DACH1: variants seen among roughly 807,000 people sequenced by gnomAD.
DACH1 encodes dachshund homolog 1.
Under a neutral mutation model 54.2 loss-of-function variants are expected in DACH1, and 12 were observed. The ratio of observed to expected loss-of-function variants is 0.22; its 90% CI spans 0.14 to 0.36. The LOEUF (loss-of-function observed/expected upper bound fraction) is 0.36, where lower values mean the gene tolerates loss of function less well. Among genes scored for constraint, DACH1 ranks in the 10% least tolerant of loss-of-function variants. The pLI is 1.00. For missense variants in DACH1, 805 were observed against 929.8 expected, an observed-to-expected ratio of 0.87 and a Z score of 1.75; for synonymous variants, 386 against 366.2, an observed-to-expected ratio of 1.05 and a Z score of -0.62.
Position 71,581,450 on chromosome 13 carries a change from G to A in DACH1, c.1127-8438C>T, listed in dbSNP as rs532044619. On this transcript the variant is annotated intron_variant, in intron 3 of 10. Coordinates refer to ENST00000613252, the MANE Select transcript of DACH1 (RefSeq NM_080759.6). ...CTAATTTTTGCATTTTAGTAGAGAC[G>A]GGCTTTCACAATGCCAGGCTGGTCT... Among the ~76,000 whole-genome samples, 17 of 152,086 alleles carry A rather than the reference G, an allele frequency of 1.1e-4. No homozygotes were observed. In the South Asian group the frequency reaches 3.5e-3, roughly 32 times the overall value.
chr13:71,532,625 G>T (rs1432296116), intron 6 of DACH1, among the ~76,000 whole-genome samples: 1 of 151,954 alleles, frequency 6.6e-6, no homozygotes, highest in East Asian at 1.9e-4. Context: ...GTGTTCACAT[G>T]TTTAAAGGAT....
Position 71,828,551 on chromosome 13 carries a change from CATGT to C in DACH1, c.848+37367_848+37370del, listed in dbSNP as rs138136442. On this transcript the variant is annotated intron_variant, in intron 1 of 10. Coordinates refer to ENST00000613252, the MANE Select transcript of DACH1 (RefSeq NM_080759.6). ...TAAACCACGGTTTGTAGCACAAAAG[CATGT>C]ATTCAACCATGAAACATTAGCGTAA... 1.6e-3 allele frequency among the ~76,000 whole-genome samples: 238 copies of C among 152,096 alleles called. 1 individual carries two copies. The highest frequency in any genetic ancestry group is 5.3e-3 in the African/African-American group (222 of 41,532).
At chr13:71,621,926 G>A (rs1321054548) in intron 3 of DACH1, among the ~76,000 whole-genome samples, 1 of 151,826 alleles carries the variant, frequency 6.6e-6, no homozygotes, top group African/African-American at 2.4e-5. Context: ...TGAATGTAAG[G>A]GTCTGTGTTT....
At chr13:71,701,216 T>A (rs1882122496) in intron 1 of DACH1, among the ~76,000 whole-genome samples, 1 of 152,130 alleles carries the variant, frequency 6.6e-6, no homozygotes, top group Non-Finnish European at 1.5e-5. Context: ...TTCATATATA[T>A]GTACTAAGCT....
At position 71,598,474 on chromosome 13, in the gene DACH1, C is replaced by T. The variant is rs558591196; in HGVS notation, c.1127-25462G>A. 8.5e-5 allele frequency among the ~76,000 whole-genome samples: 13 copies of T among 152,110 alleles called. No homozygotes were observed. In the South Asian group the frequency reaches 2.1e-3, roughly 24 times the overall value. On this transcript the variant is annotated intron_variant, in intron 3 of 10. Coordinates refer to ENST00000613252, the MANE Select transcript of DACH1 (RefSeq NM_080759.6). The stretch of plus-strand genomic sequence containing the variant: ...TTCACCATGTTGGTCAGGCTGGTCT[C>T]GAACTCCTGACCCCATGATCCACCC...
intron 1 of DACH1, among the ~76,000 whole-genome samples, chr13:71,833,323 A>G (rs1315658211): frequency 6.6e-6 from 1 of 151,962 alleles, no homozygotes; most frequent in Non-Finnish European, 1.5e-5. Flanking sequence ...TCATAGTTTC[A>G]TCCTTTTTAT....
chr13:71,516,928 G>GTT (rs1328560636), intron 6 of DACH1, among the ~76,000 whole-genome samples: 1 of 21,976 alleles, frequency 4.6e-5, no homozygotes, highest in Non-Finnish European at 2.3e-4. Flanking sequence ...ATATTTTTAT[G>GTT]TTTATATATA....
intron 10 of DACH1, among the ~76,000 whole-genome samples, chr13:71,463,662 G>T (rs1222637399): frequency 2.0e-5 from 3 of 151,886 alleles, no homozygotes; most frequent in Non-Finnish European, 4.4e-5. Flanking sequence ...TTACTGTGAA[G>T]ATCAATAAAA....
At position 71,541,019 on chromosome 13, in the gene DACH1, G is replaced by C. The variant is rs536650830; in HGVS notation, c.1570+16005C>G. On this transcript the variant is annotated intron_variant, in intron 6 of 10. Coordinates refer to ENST00000613252, the MANE Select transcript of DACH1 (RefSeq NM_080759.6). The stretch of plus-strand genomic sequence containing the variant: ...TGTATTGTTAAATTTAGATTATCAT[G>C]TTACATAGCACTTTTTCTCAAGTAG... 2.0e-5 allele frequency among the ~76,000 whole-genome samples: 3 copies of C among 151,910 alleles called. No individual in the cohort carries two copies. In the South Asian group the frequency reaches 6.2e-4, roughly 32 times the overall value.
intron 1 of DACH1, among the ~76,000 whole-genome samples, chr13:71,687,800 A>G (rs1167047298): frequency 6.6e-6 from 1 of 152,048 alleles, no homozygotes; most frequent in African/African-American, 2.4e-5. Flanking sequence ...GTAAAGAGCG[A>G]GTTTCACCAT....
chr13:71,844,903 AAAAAG>A lies in DACH1; in HGVS notation c.848+21014_848+21018del, dbSNP rs1471646689. Reference sequence around the variant, plus strand: ...TTGTTCTCATTCATGTGGAAGCTTCAAAAAGTTGATGTCACAGAAGTAAAAAGTAG... The same window carrying A: ...TTGTTCTCATTCATGTGGAAGCTTCATTGATGTCACAGAAGTAAAAAGTAG... On this transcript the variant is annotated intron_variant, in intron 1 of 10. Coordinates refer to ENST00000613252, the MANE Select transcript of DACH1 (RefSeq NM_080759.6). Among the ~76,000 whole-genome samples, 29 of 152,316 alleles carry A rather than the reference AAAAAG, an allele frequency of 1.9e-4. No individual in the cohort carries two copies. The East Asian group carries it at 2.9e-3, about 15-fold the overall frequency.
chr13:71,646,000 G>A (rs1243366874), intron 2 of DACH1, among the ~76,000 whole-genome samples: 1 of 152,080 alleles, frequency 6.6e-6, no homozygotes, highest in African/African-American at 2.4e-5. Flanking sequence ...CTTTGAGACT[G>A]GAATATACTC....
chr13:71,668,401 A>C (rs936116576), intron 2 of DACH1, among the ~76,000 whole-genome samples: 1 of 152,060 alleles, frequency 6.6e-6, no homozygotes, highest in Admixed American at 6.6e-5. Context: ...TAGTATCTCC[A>C]AAATTATTGC....
At chr13:71,441,738 A>G (rs567262576) in intron 10 of DACH1, among the ~76,000 whole-genome samples, 19 of 152,194 alleles carry the variant, frequency 1.2e-4, no homozygotes, top group Non-Finnish European at 2.5e-4. Flanking sequence ...ACTTTTATAC[A>G]ACTACTTTTA....
intron 6 of DACH1, among the ~76,000 whole-genome samples, chr13:71,512,821 C>T (rs1373779603): frequency 6.6e-6 from 1 of 151,698 alleles, no homozygotes; most frequent in Non-Finnish European, 1.5e-5. Context: ...ACTTATAAAA[C>T]CCTATTTAAG....
intron 2 of DACH1, among the ~76,000 whole-genome samples, chr13:71,657,016 A>T (rs1879151468): frequency 9.0e-6 from 1 of 111,716 alleles, no homozygotes; most frequent in African/African-American, 6.8e-5. Flanking sequence ...ATATATATAC[A>T]CACACACACA....
At chr13:71,648,774 G>T (rs774692663) in intron 2 of DACH1, among the ~76,000 whole-genome samples, 6 of 152,032 alleles carry the variant, frequency 3.9e-5, no homozygotes, top group African/African-American at 1.2e-4. Flanking sequence ...GCCATAGGAC[G>T]CATAAAAGGT....
chr13:71,586,135 A>G (rs1342928081), intron 3 of DACH1, among the ~76,000 whole-genome samples: 2 of 152,154 alleles, frequency 1.3e-5, no homozygotes, highest in African/African-American at 2.4e-5. Flanking sequence ...AAGGTTTCAC[A>G]TACAGGGATA....
chr13:71,642,602 T>A (rs1471585529), intron 2 of DACH1, among the ~76,000 whole-genome samples: 1 of 152,206 alleles, frequency 6.6e-6, no homozygotes, highest in Admixed American at 6.5e-5. Flanking sequence ...TTTTTGTCAA[T>A]GAGTTATGAC....
Sources: gnomAD v4.1 joint callset for allele counts (sites outside exome capture counted in the v4.1 genomes callset) on GRCh38, gnomAD v4.1.1 for gene constraint, MANE v1.5 for transcripts, NCBI Gene and HGNC (gene_info 2026-07-23, HGNC 2026-07-21) for gene names.